Variants in SLC13A3 observed in about 807,000 individuals in gnomAD.
The protein encoded by SLC13A3 is solute carrier family 13 member 3.
SLC13A3 carries 40 observed loss-of-function variants against 59.0 expected under a neutral mutation model. That is an observed-to-expected ratio of 0.68 (90% CI 0.53 to 0.88). The LOEUF (loss-of-function observed/expected upper bound fraction) is 0.88, where lower values mean the gene tolerates loss of function less well. Ranked by LOEUF, SLC13A3 falls within the 40% of genes least tolerant of loss-of-function variation. The pLI is 0.00. For missense variants in SLC13A3, 699 were observed against 783.2 expected, an observed-to-expected ratio of 0.89 and a Z score of 1.28; for synonymous variants, 317 against 330.3, an observed-to-expected ratio of 0.96 and a Z score of 0.44.
chr20:46,662,007 A>T (rs1281741097), intron 1 of SLC13A3, among the ~76,000 whole-genome samples: 2 of 152,162 alleles, frequency 1.3e-5, no homozygotes, highest in African/African-American at 4.8e-5. Flanking sequence ...CAGTGAGTAG[A>T]GTTTATCTCC....
chr20:46,619,481 T>C (rs147289247), intron 1 of SLC13A3, among the ~76,000 whole-genome samples: 1 of 152,208 alleles, frequency 6.6e-6, no homozygotes, highest in Non-Finnish European at 1.5e-5. Flanking sequence ...ATCCTCCACA[T>C]AAGCAGTCAA....
At chr20:46,669,176 G>A (rs2063077160) in intron 1 of SLC13A3, among the ~76,000 whole-genome samples, 1 of 152,160 alleles carries the variant, frequency 6.6e-6, no homozygotes, top group Admixed American at 6.5e-5. Flanking sequence ...AGAAGATCAA[G>A]AAGTTATTAT....
chr20:46,649,648 C>A (rs138827056), intron 1 of SLC13A3, among the ~76,000 whole-genome samples: 5 of 152,128 alleles, frequency 3.3e-5, no homozygotes, highest in African/African-American at 1.2e-4. Flanking sequence ...CAGAAGCTAG[C>A]GGTGTAATCG....
intron 1 of SLC13A3, among the ~76,000 whole-genome samples, chr20:46,623,320 T>C (rs1294332393): frequency 6.6e-6 from 1 of 152,198 alleles, no homozygotes; most frequent in Non-Finnish European, 1.5e-5. Flanking sequence ...ACCAACATTT[T>C]TTGAGTATTC....
At chr20:46,653,423 G>A (rs1300043346), upstream of SLC13A3, among the ~76,000 whole-genome samples, 2 of 152,150 alleles carry the variant, frequency 1.3e-5, no homozygotes, top group Non-Finnish European at 2.9e-5. Flanking sequence ...GGTTGGGCCA[G>A]TAAAGCCCCT....
At chr20:46,583,828 G>C (rs2062163807) in intron 8 of SLC13A3, 159 bp from the exon 9 acceptor site, 2 of 985,304 alleles carry the variant, frequency 2.0e-6, no homozygotes, top group South Asian at 4.7e-5. Context: ...AGTGCGCTCA[G>C]CATGGTGCAA....
chr20:46,598,798 TC>T (rs202052568), intron 4 of SLC13A3, among the ~76,000 whole-genome samples: 2,438 of 151,342 alleles, frequency 0.016, 30 homozygotes, highest in Non-Finnish European at 0.024. Context: ...CATCACTCTC[TC>T]CCCCCCGAAG....
chr20:46,668,279 G>GT (rs2063072306), intron 1 of SLC13A3, among the ~76,000 whole-genome samples: 2 of 152,236 alleles, frequency 1.3e-5, no homozygotes, highest in Non-Finnish European at 2.9e-5. Context: ...TAGCCAACTT[G>GT]TGAGTGTAAA....
intron 11 of SLC13A3, 124 bp downstream of exon 11, chr20:46,566,105 G>A (rs752423390): frequency 1.1e-5 from 8 of 750,416 alleles, no homozygotes; most frequent in South Asian, 3.3e-5. Flanking sequence ...GTTCTGATAC[G>A]TTCATGTATT....
chr20:46,674,604 C>CGCGCGCGCGCGCGTGTGT (rs370861850), upstream of SLC13A3, among the ~76,000 whole-genome samples: 10 of 127,878 alleles, frequency 7.8e-5, no homozygotes, highest in African/African-American at 3.2e-4. Context: ...CGCGCGCGCG[C>CGCGCGCGCGCGCGTGTGT]GTGTGTGTGT....
Position 46,577,006 on chromosome 20 carries a change from G to A in SLC13A3, c.1220-1321C>T, listed in dbSNP as rs546651610. On this transcript the variant is annotated intron_variant, in intron 9 of 12. Transcript: ENST00000279027. Reference sequence around the variant, plus strand: ...AGGTGCATGCAGTCCACAGGTGCATGCAACCCACAGGTGTATGCAGCCCGC... The same window carrying A: ...AGGTGCATGCAGTCCACAGGTGCATACAACCCACAGGTGTATGCAGCCCGC... Among the ~76,000 whole-genome samples the A allele has an allele frequency of 3.3e-5, 5 of 150,790 alleles. No homozygotes were observed. In the East Asian group the frequency reaches 1.0e-3, roughly 30 times the overall value.
chr20:46,649,782 A>G (rs1215525893), intron 1 of SLC13A3, among the ~76,000 whole-genome samples: 1 of 152,114 alleles, frequency 6.6e-6, no homozygotes, highest in East Asian at 1.9e-4. Flanking sequence ...TCCTTCTTCC[A>G]TCATTTATTG....
intron 1 of SLC13A3, 185 bp from the exon 2 acceptor site, chr20:46,613,910 T>G: frequency 1.9e-6 from 1 of 536,190 alleles, no homozygotes. Context: ...GCCTAAGGCG[T>G]TGACTTAAAG....
intron 1 of SLC13A3, among the ~76,000 whole-genome samples, chr20:46,646,072 G>A (rs1309770661): frequency 6.6e-6 from 1 of 152,168 alleles, no homozygotes; most frequent in Non-Finnish European, 1.5e-5. Flanking sequence ...AGCTCCCTGA[G>A]GCTCAAATGA....
chr20:46,679,788 A>C (rs567771993), intron 1 of SLC13A3, among the ~76,000 whole-genome samples: 17 of 152,130 alleles, frequency 1.1e-4, no homozygotes, highest in Admixed American at 2.6e-4. Flanking sequence ...GGCACCTGTG[A>C]TCCCAGCTAC....
At chr20:46,676,870 T>C (rs2063129281) in intron 1 of SLC13A3, among the ~76,000 whole-genome samples, 1 of 152,204 alleles carries the variant, frequency 6.6e-6, no homozygotes, top group Non-Finnish European at 1.5e-5. Flanking sequence ...TCACATGGCC[T>C]ACGCCAGGGT....
chr20:46,588,031 T>A, intron 8 of SLC13A3, 28 bp downstream of exon 8: 1 of 1,409,788 alleles, frequency 7.1e-7, no homozygotes, highest in Non-Finnish European at 9.9e-7. Context: ...CCTGTTGGAC[T>A]CCTCCCTGTG....
In SLC13A3 at chr20:46,560,170, A is replaced by T; in HGVS notation, c.1661T>A (p.Met554Lys). Residue 554 changes from methionine to lysine, a missense_variant, in exon 13 of 13, where the codon ATG (methionine) becomes AAG (lysine). Transcript: ENST00000279027. ...MVRTGLLMNLMGVLLLSLAMN... is the reference protein window; with the variant it reads ...MVRTGLLMNLKGVLLLSLAMN... ...AGCCAAACTGAGCAGCAGGACACCC[A>T]TCAGGTTCATCAGGAGGCCTGTCCG... The T allele has an allele frequency of 6.2e-7, 1 of 1,614,206 alleles. No homozygotes were observed.
At chr20:46,598,686 A>G (rs981047160) in intron 4 of SLC13A3, among the ~76,000 whole-genome samples, 1 of 152,162 alleles carries the variant, frequency 6.6e-6, no homozygotes, top group Non-Finnish European at 1.5e-5. Flanking sequence ...AACAGGCATA[A>G]GGTCATGCCC....
Sources: allele counts gnomAD v4.1 joint callset (sites outside exome capture counted in the v4.1 genomes callset), GRCh38; gene constraint gnomAD v4.1.1; transcripts MANE v1.5; gene names NCBI Gene and HGNC (gene_info 2026-07-23, HGNC 2026-07-21).